DGKB: variants seen among roughly 807,000 people sequenced by gnomAD.
DGKB encodes 90 kDa diacylglycerol kinase.
Under a neutral mutation model 114.3 loss-of-function variants are expected in DGKB, and 67 were observed. The ratio of observed to expected loss-of-function variants is 0.59; its 90% confidence interval spans 0.48 to 0.72. The LOEUF is 0.72. Ranked by LOEUF, DGKB falls within the 30% of genes least tolerant of loss-of-function variation. DGKB has a pLI of 0.00. For synonymous variants in DGKB, 398 were observed against 323.1 expected, an observed-to-expected ratio of 1.23 and a Z score of -2.49; for missense variants, 907 against 975.2, an observed-to-expected ratio of 0.93 and a Z score of 0.93.
In DGKB at chr7:14,478,240, T is replaced by C. The variant is rs374828533; in HGVS notation, c.1771-15A>G. On this transcript the variant is annotated splice_polypyrimidine_tract_variant and intron_variant, in intron 20 of 25. Transcript: ENST00000402815. Reference sequence around the variant, plus strand: ...ATGGAGGCATCCTAAGGGGAGAAAATAGAAAACAAAAACAGGATGGTTTAT... The same window carrying C: ...ATGGAGGCATCCTAAGGGGAGAAAACAGAAAACAAAAACAGGATGGTTTAT... 85 of 1,532,386 alleles carry C rather than the reference T, an allele frequency of 5.5e-5. No homozygotes were observed. Among genetic ancestry groups the C allele is most frequent in the Non-Finnish European group, 7.4e-5 (83 of 1,126,530 alleles). The allele number at this position is 1,532,386 out of a possible 1,614,324, so 94.9% of individuals were successfully genotyped here.
intron 23 of DGKB, among the ~76,000 whole-genome samples, chr7:14,202,890 T>C (rs1235098331): frequency 1.3e-5 from 2 of 151,926 alleles, no homozygotes; most frequent in Non-Finnish European, 2.9e-5. Context: ...TTATTACACA[T>C]GTTTTTCAGC....
chr7:14,843,538 G>T (rs1052609756), intron 1 of DGKB, among the ~76,000 whole-genome samples: 128 of 151,314 alleles, frequency 8.5e-4, no homozygotes, highest in African/African-American at 3.0e-3. Flanking sequence ...GTTTCACCTT[G>T]TTAGCCAGGA....
chr7:14,738,273 G>A (rs1474295017), intron 4 of DGKB, among the ~76,000 whole-genome samples: 1 of 152,234 alleles, frequency 6.6e-6, no homozygotes, highest in Non-Finnish European at 1.5e-5. Context: ...AAGTCTGTGG[G>A]ATGAAAATAT....
intron 2 of DGKB, among the ~76,000 whole-genome samples, chr7:14,774,149 A>C (rs1242419752): frequency 6.6e-6 from 1 of 152,212 alleles, no homozygotes; most frequent in African/African-American, 2.4e-5. Context: ...AAAGATTTTC[A>C]AGCCATAGAG....
At chr7:14,472,790 G>T (rs1192014098) in intron 21 of DGKB, among the ~76,000 whole-genome samples, 1 of 152,134 alleles carries the variant, frequency 6.6e-6, no homozygotes, top group African/African-American at 2.4e-5. Context: ...GAGCAAAGAT[G>T]ACTTGTTATG....
intron 23 of DGKB, among the ~76,000 whole-genome samples, chr7:14,207,808 T>G (rs1392363025): frequency 6.6e-6 from 1 of 151,998 alleles, no homozygotes; most frequent in Admixed American, 6.6e-5. Flanking sequence ...GATGAGTATA[T>G]AAATGTGGAA....
chr7:14,692,538 C>A (rs893506500), intron 9 of DGKB, among the ~76,000 whole-genome samples: 30 of 151,630 alleles, frequency 2.0e-4, no homozygotes, highest in Admixed American at 9.9e-4. Context: ...TCATAAGGTA[C>A]ATGAACAATT....
At chr7:14,332,085 AGTTT>A (rs897730641) in intron 23 of DGKB, among the ~76,000 whole-genome samples, 135 of 151,076 alleles carry the variant, frequency 8.9e-4, no homozygotes, top group Middle Eastern at 3.5e-3. Flanking sequence ...TACTTATCTG[AGTTT>A]GTTTGTTTGT....
rs3735345 is a variant in DGKB, at chr7:14,147,898, T to C, written c.*1233A>G. On this transcript the variant is annotated 3_prime_UTR_variant, in exon 26 of 26. Transcript: ENST00000402815. ...TTCAACAGTGATCTAGGCTGTTGTT[T>C]CCAAATAAACATTTGAAATGTCATA... 10,990 of 151,970 alleles carry C rather than the reference T, an allele frequency of 0.072. 460 individuals carry two copies. Among genetic ancestry groups the C allele is most frequent in the Middle Eastern group, 0.17 (51 of 294 alleles). The allele number at this position is 151,970 out of a possible 1,614,324, so 9.4% of individuals were successfully genotyped here. A position where few individuals can be genotyped will look rare whatever the true frequency, so the allele number is the denominator to read the frequency against.
intron 1 of DGKB, among the ~76,000 whole-genome samples, chr7:14,943,416 C>G (rs911784051): frequency 1.3e-5 from 2 of 151,808 alleles, no homozygotes; most frequent in Non-Finnish European, 2.9e-5. Context: ...TACTTCCAGA[C>G]ACTTATTGAA....
intron 1 of DGKB, among the ~76,000 whole-genome samples, chr7:14,899,444 C>T (rs777387471): frequency 3.9e-5 from 6 of 152,112 alleles, no homozygotes; most frequent in African/African-American, 9.7e-5. Flanking sequence ...GACTAAAGAT[C>T]TCTACCCTAC....
chr7:14,339,824 G>A (rs775553466), intron 22 of DGKB, among the ~76,000 whole-genome samples: 30 of 151,808 alleles, frequency 2.0e-4, no homozygotes, highest in Non-Finnish European at 2.5e-4. Flanking sequence ...TTACAGTGGC[G>A]TTGTTTCATT....
chr7:14,464,296 G>T (rs980494357), intron 21 of DGKB, among the ~76,000 whole-genome samples: 1 of 152,074 alleles, frequency 6.6e-6, no homozygotes, highest in Non-Finnish European at 1.5e-5. Context: ...CACAGTACAT[G>T]AAACTTTCTG....
At chr7:14,860,613 T>C (rs1364832885) in intron 1 of DGKB, among the ~76,000 whole-genome samples, 1 of 151,988 alleles carries the variant, frequency 6.6e-6, no homozygotes, top group Non-Finnish European at 1.5e-5. Context: ...GAGACGAGTA[T>C]TTCAGTGGCC....
intron 23 of DGKB, among the ~76,000 whole-genome samples, chr7:14,247,143 T>C (rs1794601229): frequency 1.3e-5 from 2 of 152,158 alleles, no homozygotes; most frequent in Non-Finnish European, 2.9e-5. Flanking sequence ...TAGGTACATG[T>C]GTATTGTCAC....
At chr7:14,939,706 C>T (rs928536947) in intron 1 of DGKB, among the ~76,000 whole-genome samples, 15 of 148,556 alleles carry the variant, frequency 1.0e-4, no homozygotes, top group Middle Eastern at 3.5e-3. Context: ...TTGCGCCTCC[C>T]GGCTTCATGC....
At chr7:14,507,833 A>T (rs1323840136) in intron 20 of DGKB, among the ~76,000 whole-genome samples, 1 of 152,152 alleles carries the variant, frequency 6.6e-6, no homozygotes, top group Non-Finnish European at 1.5e-5. Flanking sequence ...ACGTGAGTCA[A>T]CTGTGGGTAC....
intron 20 of DGKB, among the ~76,000 whole-genome samples, chr7:14,482,460 T>A (rs1402187738): frequency 6.6e-6 from 1 of 152,052 alleles, no homozygotes; most frequent in Non-Finnish European, 1.5e-5. Flanking sequence ...CACACTATAC[T>A]TAAACTTCAC....
intron 21 of DGKB, among the ~76,000 whole-genome samples, chr7:14,378,624 C>A (rs1344430020): frequency 4.6e-5 from 7 of 152,064 alleles, no homozygotes; most frequent in South Asian, 2.1e-4. Flanking sequence ...CAACACCTCT[C>A]CTAGCTACAT....
Sources: gnomAD v4.1 joint callset for allele counts (sites outside exome capture counted in the v4.1 genomes callset) on GRCh38, gnomAD v4.1.1 for gene constraint, MANE v1.5 for transcripts, NCBI Gene and HGNC (gene_info 2026-07-23, HGNC 2026-07-21) for gene names.